SDF2: variants seen among roughly 807,000 people sequenced by gnomAD.
SDF2 encodes the protein stromal cell derived factor 2.
In SDF2, 12 loss-of-function variants were observed where a neutral mutation model predicts 20.5. The ratio of observed to expected loss-of-function variants is 0.58; its 90% CI spans 0.37 to 0.95. The LOEUF (loss-of-function observed/expected upper bound fraction) is 0.95, where lower values mean the gene tolerates loss of function less well. Ranked by LOEUF, SDF2 falls within the 40% of genes least tolerant of loss-of-function variation. The pLI, the probability that SDF2 is intolerant of heterozygous loss-of-function variation, is 0.01. For synonymous variants in SDF2, 100 were observed against 101.0 expected (o/e 0.99, Z 0.06); for missense variants, 238 against 263.1 (o/e 0.90, Z 0.66).
At chr17:28,655,237 C>T in intron 2 of SDF2, 50 bp downstream of exon 2, 2 of 1,540,186 alleles carry the variant, frequency 1.3e-6, no homozygotes, top group Non-Finnish European at 1.8e-6. Flanking sequence ...ATCAAACAAG[C>T]ACCCACTGAG....
At chr17:28,661,145 A>G (rs1295519644) in intron 1 of SDF2, 1 of 447,454 alleles carries the variant, frequency 2.2e-6, no homozygotes, top group Non-Finnish European at 4.5e-6. Flanking sequence ...CAAGTTTCTT[A>G]CAAGAAGGAG....
chr17:28,652,280 C>T (rs1306202439), intron 2 of SDF2, among the ~76,000 whole-genome samples: 1 of 151,908 alleles, frequency 6.6e-6, no homozygotes, highest in African/African-American at 2.4e-5. Flanking sequence ...AATATATACA[C>T]GAGTAAGCAC....
rs34038517 is a variant in SDF2, at chr17:28,655,336, C to G, written c.299G>C (p.Gly100Ala). 797 of 1,614,232 alleles carry G rather than the reference C, an allele frequency of 4.9e-4. 8 individuals are homozygous for G. In the African/African-American group the frequency reaches 9.6e-3, roughly 20 times the overall value. ...QPIRLTHVNTGRNLHSHHFTS... is the reference protein window; with the variant it reads ...QPIRLTHVNTARNLHSHHFTS... ...GAAGTGGTGACTATGGAGGTTTCGG[C>G]CAGTGTTGACATGTGTCAGCCGGAT... The change falls in exon 2 of 3, where the codon GGC becomes GCC. Residue 100 changes from glycine to alanine, a missense_variant. Gly to Ala is a moderately conservative substitution (Grantham distance 60). Coordinates refer to ENST00000247020, the MANE Select transcript of SDF2 (RefSeq NM_006923.4).
At chr17:28,659,846 G>A (rs367967317) in intron 1 of SDF2, among the ~76,000 whole-genome samples, 24 of 152,280 alleles carry the variant, frequency 1.6e-4, no homozygotes, top group African/African-American at 4.8e-4. Flanking sequence ...GGTGGCGGCC[G>A]GGCAGAGGCT....
intron 1 of SDF2, among the ~76,000 whole-genome samples, chr17:28,658,933 A>C (rs926409324): frequency 8.1e-6 from 1 of 123,052 alleles, no homozygotes; most frequent in Non-Finnish European, 1.7e-5. Context: ...CTCCTCACTT[A>C]ACAGACTGGG....
rs1386570301 is a variant in SDF2, at chr17:28,649,203, T to C, written c.422A>G (p.Tyr141Cys). Residue 141 changes from tyrosine (Y) to cysteine (C), a missense_variant, in exon 3 of 3, where the codon TAC (tyrosine) becomes TGC (cysteine). Tyr to Cys is a radical substitution (Grantham distance 194, BLOSUM62 -2). Coordinates refer to ENST00000247020, the MANE Select transcript of SDF2 (RefSeq NM_006923.4). Reference sequence around the variant, plus strand: ...CCGCACCTCACCATCTCTCACCCAGTAGGGTCCATTACAGAGCACTGTCCA... The same window carrying C: ...CCGCACCTCACCATCTCTCACCCAGCAGGGTCCATTACAGAGCACTGTCCA... ...DDWTVLCNGP[Y>C]WVRDGEVRFK... 9.3e-6 allele frequency: 15 copies of C among 1,614,046 alleles called. No individual in the cohort carries two copies. Among genetic ancestry groups the C allele is most frequent in the African/African-American group, 4.0e-5 (3 of 74,928 alleles).
Position 28,649,097 on chromosome 17 carries a change from C to T in SDF2, c.528G>A (p.Val176=), listed in dbSNP as rs754387917. 5 of 1,614,220 alleles carry T rather than the reference C, an allele frequency of 3.1e-6. No individual in the cohort carries two copies. The highest frequency in any genetic ancestry group is 1.1e-5 in the South Asian group (1 of 91,086). The change falls in exon 3 of 3, where the codon GTG becomes GTA. Residue 176 remains valine, a synonymous_variant. Transcript: ENST00000247020. ...TCTGACTTGGCTGGGCCATGCCATG[C>T]ACCTCTTTTTGCCCACTGATAGGTC... is the stretch of plus-strand genomic sequence containing the variant. The part of the protein sequence containing the change: ...YGRPISGQKE[V]HGMAQPSQNN...
At chr17:28,660,349 A>T (rs2072014359) in intron 1 of SDF2, 1 of 152,258 alleles carries the variant, frequency 6.6e-6, no homozygotes, top group African/African-American at 2.4e-5. Context: ...CCAGTTATTC[A>T]AATTAATCCC....
At chr17:28,654,952 T>A (rs1238759898) in intron 2 of SDF2, among the ~76,000 whole-genome samples, 1 of 151,466 alleles carries the variant, frequency 6.6e-6, no homozygotes, top group Non-Finnish European at 1.5e-5. Flanking sequence ...TGAGACTCCA[T>A]CTCAAAAAAA....
rs1428334227 is a variant in SDF2, at chr17:28,649,028, A to C, written c.597T>G (p.Ser199Arg). The C allele has an allele frequency of 6.2e-7, 1 of 1,614,066 alleles. No homozygotes were observed. Among genetic ancestry groups the C allele is most frequent in the Non-Finnish European group, 8.5e-7 (1 of 1,180,044 alleles). Residue 199 changes from serine (S) to arginine (R), a missense_variant, in exon 3 of 3, where the codon AGT becomes AGG. Transcript: ENST00000247020. The stretch of plus-strand genomic sequence containing the variant: ...GGTGGGCTTCTGCCTTCAACAACTC[A>C]CTGGGCTTCATGAAGATGCCTTCCA... ...KAMEGIFMKP[S>R]ELLKAEAHHA...
intron 1 of SDF2, chr17:28,661,065 C>T (rs2072030564): frequency 2.6e-6 from 1 of 379,028 alleles, no homozygotes; most frequent in East Asian, 7.7e-5. Context: ...TATTACTAAA[C>T]ATTTTAATTT....
chr17:28,648,884 G>A lies in SDF2; in HGVS notation c.*105C>T. On this transcript the variant is annotated 3_prime_UTR_variant, in exon 3 of 3. Transcript: ENST00000247020. Reference sequence around the variant, plus strand: ...TCTGTTGTATATCTTCATCTCAATGGTGACATGGCCACTGCCCAAGGAACT... The same window carrying A: ...TCTGTTGTATATCTTCATCTCAATGATGACATGGCCACTGCCCAAGGAACT... 29 of 1,131,482 alleles carry A rather than the reference G, an allele frequency of 2.6e-5. No individual in the cohort carries two copies. The South Asian group carries it at 3.6e-4, about 14-fold the overall frequency. The allele number at this position is 1,131,482 out of a possible 1,614,324, so 70.1% of individuals were successfully genotyped here.
chr17:28,649,225 T>G lies in SDF2; in HGVS notation c.400A>C (p.Thr134Pro). 2 of 1,614,150 alleles carry G rather than the reference T, an allele frequency of 1.2e-6. No individual in the cohort carries two copies. Among genetic ancestry groups the G allele is most frequent in the Non-Finnish European group, 1.7e-6 (2 of 1,180,030 alleles). Residue 134 changes from threonine (T) to proline (P), a missense_variant, in exon 3 of 3, where the codon ACA (threonine) becomes CCA (proline). Thr to Pro is a conservative substitution (Grantham distance 38). Transcript: ENST00000247020. ...EGEGDYLDDW[T>P]VLCNGPYWVR... is the part of the protein sequence containing the mutation. ...CAGTAGGGTCCATTACAGAGCACTG[T>G]CCAGTCATCCAGATAATCACCTTCA... is the stretch of plus-strand genomic sequence containing the variant.
intron 1 of SDF2, 120 bp downstream of exon 1, chr17:28,661,606 G>A (rs925446620): frequency 1.5e-5 from 16 of 1,077,940 alleles, no homozygotes; most frequent in Middle Eastern, 3.1e-4. Context: ...CTAGACCTGA[G>A]GAACCTTCCC....
intron 2 of SDF2, among the ~76,000 whole-genome samples, chr17:28,654,112 A>G (rs2071935793): frequency 6.6e-6 from 1 of 151,952 alleles, no homozygotes; most frequent in Non-Finnish European, 1.5e-5. Flanking sequence ...GGAGTTTGAG[A>G]CCAGCCTAGG....
intron 1 of SDF2, chr17:28,660,687 ATCG>A (rs1196052371): frequency 6.5e-6 from 1 of 152,760 alleles, no homozygotes; most frequent in African/African-American, 2.4e-5. Context: ...TTATTAAGAC[ATCG>A]CAGTGATGAT....
At chr17:28,658,420 G>GT (rs1475318653) in intron 1 of SDF2, among the ~76,000 whole-genome samples, 6 of 152,182 alleles carry the variant, frequency 3.9e-5, no homozygotes, top group African/African-American at 1.4e-4. Context: ...CGCAGTGTTT[G>GT]TGTCCCTGGG....
chr17:28,661,068 T>C (rs1412767523), intron 1 of SDF2: 2 of 402,610 alleles, frequency 5.0e-6, no homozygotes, highest in African/African-American at 4.5e-5. Flanking sequence ...TACTAAACAT[T>C]TTAATTTCAA....
chr17:28,660,471 T>G (rs985527969), intron 1 of SDF2: 2 of 152,260 alleles, frequency 1.3e-5, no homozygotes, highest in African/African-American at 4.8e-5. Context: ...TCAGCACAGA[T>G]CCCTTTTCTG....
Sources: gnomAD v4.1 joint callset for allele counts (sites outside exome capture counted in the v4.1 genomes callset) on GRCh38, gnomAD v4.1.1 for gene constraint, MANE v1.5 for transcripts, NCBI Gene and HGNC (gene_info 2026-07-23, HGNC 2026-07-21) for gene names.